The following IFT140 variants were observed in gnomAD, a reference collection of about 807,000 sequenced individuals.
IFT140 encodes the protein intraflagellar transport protein 140 homolog.
Under a neutral mutation model 164.6 loss-of-function variants are expected in IFT140, and 133 were observed. The observed-to-expected ratio is 0.81, with a 90% CI of 0.70 to 0.93. The LOEUF is 0.93. Ranked by LOEUF, IFT140 falls within the 40% of genes least tolerant of loss-of-function variation. IFT140 has a pLI of 0.00. For missense variants in IFT140, 2,045 were observed against 1,972.3 expected (o/e 1.04, Z -0.70); for synonymous variants, 860 against 817.3 (o/e 1.05, Z -0.89).
At chr16:1,545,949 C>T (rs923209726) in intron 19 of IFT140, among the ~76,000 whole-genome samples, 4 of 152,234 alleles carry the variant, frequency 2.6e-5, no homozygotes, top group African/African-American at 9.6e-5. Context: ...TGTGCGGGGA[C>T]CCCACTGTCC....
intron 25 of IFT140, 36 bp from the exon 26 acceptor site, chr16:1,523,736 G>C (rs756588984): frequency 6.2e-7 from 1 of 1,606,780 alleles, no homozygotes; most frequent in African/African-American, 1.3e-5. Flanking sequence ...GCTGCCCGAG[G>C]CCTGGGGGCC....
intron 12 of IFT140, 26 bp from the exon 13 acceptor site, chr16:1,580,876 T>C (rs773290859): frequency 1.7e-5 from 25 of 1,512,270 alleles, no homozygotes; most frequent in Non-Finnish European, 4.6e-6. Context: ...AACATCAGGA[T>C]GGCGGCCGCT....
At chr16:1,594,455 A>G (rs1471010336) in intron 4 of IFT140, among the ~76,000 whole-genome samples, 1 of 152,134 alleles carries the variant, frequency 6.6e-6, no homozygotes, top group African/African-American at 2.4e-5. Context: ...TCCAGGGCTC[A>G]AGCAATTTTC....
At chr16:1,576,250 C>A (rs1406717149) in intron 13 of IFT140, among the ~76,000 whole-genome samples, 1 of 146,166 alleles carries the variant, frequency 6.8e-6, no homozygotes, top group African/African-American at 2.6e-5. Context: ...CATGCCACTG[C>A]ACTCTAGACT....
At chr16:1,536,946 A>C (rs2031132580) in intron 19 of IFT140, among the ~76,000 whole-genome samples, 1 of 152,186 alleles carries the variant, frequency 6.6e-6, no homozygotes, top group South Asian at 2.1e-4. Flanking sequence ...CTTTCTGCAA[A>C]ATCCTGCCGT....
intron 3 of IFT140, among the ~76,000 whole-genome samples, chr16:1,606,001 A>C (rs973900371): frequency 1.3e-5 from 2 of 152,170 alleles, no homozygotes; most frequent in Admixed American, 6.5e-5. Context: ...CACCAGAGGC[A>C]GGGCTGGAGC....
At chr16:1,549,017 C>T (rs1012382095) in intron 19 of IFT140, among the ~76,000 whole-genome samples, 1 of 152,244 alleles carries the variant, frequency 6.6e-6, no homozygotes, top group Non-Finnish European at 1.5e-5. Context: ...CCACCTGGCG[C>T]TCTCCAGCAG....
chr16:1,561,908 C>T (rs766427124), intron 18 of IFT140, 77 bp downstream of exon 18: 2 of 1,426,124 alleles, frequency 1.4e-6, no homozygotes, highest in South Asian at 1.6e-5. Context: ...ATTTCAGCTC[C>T]CTGGGACGCT....
Position 1,591,008 on chromosome 16 carries a change from C to T in IFT140, c.634+1168G>A, listed in dbSNP as rs186050632. Reference sequence around the variant, plus strand: ...ACTAGTATTTAATAAGTGCACAGTACGTGGCAGGCTCAGTTCTAAGCATCT... The same window carrying T: ...ACTAGTATTTAATAAGTGCACAGTATGTGGCAGGCTCAGTTCTAAGCATCT... On this transcript the variant is annotated intron_variant, in intron 6 of 30. Coordinates refer to ENST00000426508, the MANE Select transcript of IFT140 (RefSeq NM_014714.4). 2.1e-4 allele frequency among the ~76,000 whole-genome samples: 32 copies of T among 152,300 alleles called. No homozygotes were observed. In the South Asian group the frequency reaches 5.8e-3, roughly 28 times the overall value.
intron 19 of IFT140, chr16:1,555,042 G>A (rs369296906): frequency 7.5e-6 from 12 of 1,599,154 alleles, no homozygotes; most frequent in Middle Eastern, 1.7e-4. Context: ...CCTTCTCAGC[G>A]CTCCATCAAC....
intron 7 of IFT140, among the ~76,000 whole-genome samples, chr16:1,589,379 C>T (rs1367766682): frequency 6.6e-6 from 1 of 152,222 alleles, no homozygotes; most frequent in Non-Finnish European, 1.5e-5. Flanking sequence ...TCAGGCCTCA[C>T]ATCCACCCAA....
chr16:1,534,536 G>A, intron 19 of IFT140: 1 of 1,604,750 alleles, frequency 6.2e-7, no homozygotes, highest in Non-Finnish European at 8.5e-7. Context: ...GCTTCCAGGA[G>A]TCCCGAGGCA....
At chr16:1,611,555 C>T (rs1329633885) in intron 1 of IFT140, among the ~76,000 whole-genome samples, 1 of 150,950 alleles carries the variant, frequency 6.6e-6, no homozygotes, top group African/African-American at 2.4e-5. Context: ...TGGCTCACGC[C>T]TGCAAACCCA....
chr16:1,520,030 G>A lies in IFT140; in HGVS notation c.3891C>T (p.Tyr1297=). The A allele has an allele frequency of 1.2e-6, 2 of 1,601,048 alleles. No homozygotes were observed. The highest frequency in any genetic ancestry group is 1.7e-6 in the Non-Finnish European group (2 of 1,173,386). ...DACAQVEIDE[Y]QNYDKAHGAL... ...CCCCGTGGGCTTTGTCGTAGTTCTGGTATTCATCAATCTCCACCTGTACAG... is the reference window on the plus strand; with the variant it reads ...CCCCGTGGGCTTTGTCGTAGTTCTGATATTCATCAATCTCCACCTGTACAG... Residue 1297 remains tyrosine, a synonymous_variant, in exon 29 of 31, where the codon TAC becomes TAT. Transcript: ENST00000426508.
chr16:1,566,279 G>T lies in IFT140; in HGVS notation c.1783C>A (p.Pro595Thr). ...SILPSKADNS[P>T]DSKICFYDVE... ...TCGTAGAAGCAGATTTTGGAATCAG[G>T]GCTGTTGTCAGCCTAGGAGAAGAGA... Residue 595 changes from proline (P) to threonine (T), a missense_variant, in exon 16 of 31, where the codon CCT (proline) becomes ACT (threonine). By Grantham distance (38) the Pro-to-Thr change is conservative (BLOSUM62 -1). Coordinates refer to ENST00000426508, the MANE Select transcript of IFT140 (RefSeq NM_014714.4). The T allele has an allele frequency of 6.2e-7, 1 of 1,613,368 alleles. No homozygotes were observed. The highest frequency in any genetic ancestry group is 1.7e-4 in the Middle Eastern group (1 of 6,054).
chr16:1,591,659 C>G (rs1436365875), intron 6 of IFT140, among the ~76,000 whole-genome samples: 1 of 152,184 alleles, frequency 6.6e-6, no homozygotes, highest in African/African-American at 2.4e-5. Context: ...GCCTGTCCCC[C>G]TCGTACAGTG....
chr16:1,593,950 G>C (rs1479724194), intron 4 of IFT140, among the ~76,000 whole-genome samples: 1 of 152,256 alleles, frequency 6.6e-6, no homozygotes, highest in East Asian at 1.9e-4. Context: ...TAAACCACCC[G>C]GGCTTCTTCA....
At chr16:1,577,433 G>A (rs1203028042) in intron 13 of IFT140, 1 of 152,136 alleles carries the variant, frequency 6.6e-6, no homozygotes, top group Non-Finnish European at 1.5e-5. Flanking sequence ...CATGTTGTTG[G>A]TGAGGCTTCC....
chr16:1,539,582 C>T (rs1222616369), intron 19 of IFT140, among the ~76,000 whole-genome samples: 1 of 152,258 alleles, frequency 6.6e-6, no homozygotes, highest in Admixed American at 6.5e-5. Flanking sequence ...GTCTTCTGTT[C>T]CTTCTTTAGA....
Sources: gnomAD v4.1 joint callset for allele counts (sites outside exome capture counted in the v4.1 genomes callset) on GRCh38, gnomAD v4.1.1 for gene constraint, MANE v1.5 for transcripts, NCBI Gene and HGNC (gene_info 2026-07-23, HGNC 2026-07-21) for gene names.